The following SORCS3 variants were observed in gnomAD, a reference collection of about 807,000 sequenced individuals.
The protein encoded by SORCS3 is sortilin related VPS10 domain containing receptor 3.
In SORCS3, 57 loss-of-function variants were observed where a neutral mutation model predicts 146.3. That is an observed-to-expected ratio of 0.39 (90% confidence interval 0.31 to 0.49). The LOEUF is 0.49. Ranked by LOEUF, SORCS3 falls within the 20% of genes least tolerant of loss-of-function variation. SORCS3 has a pLI of 0.92. For missense variants in SORCS3, 1,341 were observed against 1,575.5 expected (o/e 0.85, Z 2.52); for synonymous variants, 653 against 618.5 (o/e 1.06, Z -0.83).
At chr10:105,259,987 T>C (rs1387488956) in intron 25 of SORCS3, among the ~76,000 whole-genome samples, 1 of 152,198 alleles carries the variant, frequency 6.6e-6, no homozygotes, top group Non-Finnish European at 1.5e-5. Flanking sequence ...TTCAGACTTA[T>C]ATTCTCAACA....
At chr10:104,702,728 C>T (rs1323046001) in intron 1 of SORCS3, among the ~76,000 whole-genome samples, 1 of 152,196 alleles carries the variant, frequency 6.6e-6, no homozygotes, top group Non-Finnish European at 1.5e-5. Flanking sequence ...TCTTCCTGTT[C>T]TGGTGCTGGG....
At chr10:104,799,746 G>T (rs2017602687) in intron 1 of SORCS3, among the ~76,000 whole-genome samples, 1 of 151,974 alleles carries the variant, frequency 6.6e-6, no homozygotes, top group Non-Finnish European at 1.5e-5. Context: ...TGCGATCTTG[G>T]CTCACTGCAA....
intron 2 of SORCS3, among the ~76,000 whole-genome samples, chr10:104,912,650 TAAAGAC>T (rs2133597808): frequency 6.6e-6 from 1 of 152,308 alleles, no homozygotes; most frequent in South Asian, 2.1e-4. Context: ...TTCTTACAAA[TAAAGAC>T]AAATTAAAAC....
At chr10:105,142,273 T>C (rs1282243667) in intron 8 of SORCS3, among the ~76,000 whole-genome samples, 1 of 152,218 alleles carries the variant, frequency 6.6e-6, no homozygotes, top group Non-Finnish European at 1.5e-5. Context: ...AGCCTTGTGC[T>C]CCTGGAAAAG....
Position 105,211,138 on chromosome 10 carries a change from G to T in SORCS3, c.2263G>T (p.Asp755Tyr). 1 of 1,610,902 alleles carries T rather than the reference G, an allele frequency of 6.2e-7. No homozygotes were observed. The highest frequency in any genetic ancestry group is 1.1e-5 in the South Asian group (1 of 91,020). The change falls in exon 17 of 27, where the codon GAC becomes TAC. Residue 755 changes from aspartate (D) to tyrosine (Y), a missense_variant and splice_region_variant. Transcript: ENST00000369701. ...ATGCAATATTCATTTTCCTGACAGT[G>T]ACTATGGGTATGAGAGACATGGGGA... ...CVCANWDFEC[D>Y]YGYERHGESQ...
Position 104,778,542 on chromosome 10 carries a change from A to C in SORCS3, c.628-64250A>C, listed in dbSNP as rs552923347. 7.7e-4 allele frequency among the ~76,000 whole-genome samples: 117 copies of C among 152,316 alleles called. 1 individual carries two copies. Among genetic ancestry groups the C allele is most frequent in the African/African-American group, 2.7e-3 (112 of 41,566 alleles). On this transcript the variant is annotated intron_variant, in intron 1 of 26. Coordinates refer to ENST00000369701, the MANE Select transcript of SORCS3 (RefSeq NM_014978.3). ...CACATCCACTTCATGGTTTGCAGTG[A>C]GCATACAATGAGATAACATGCATCA...
chr10:104,837,556 T>G (rs2018085580), intron 1 of SORCS3, among the ~76,000 whole-genome samples: 1 of 152,234 alleles, frequency 6.6e-6, no homozygotes, highest in African/African-American at 2.4e-5. Context: ...GGTACTTATT[T>G]GACAAAGCTT....
At chr10:105,241,362 G>A (rs1380063499) in intron 20 of SORCS3, among the ~76,000 whole-genome samples, 1 of 152,214 alleles carries the variant, frequency 6.6e-6, no homozygotes, top group Non-Finnish European at 1.5e-5. Context: ...CTCAGGGGGA[G>A]CGCAGCAGCC....
intron 1 of SORCS3, among the ~76,000 whole-genome samples, chr10:104,832,502 GT>G (rs1433613971): frequency 6.6e-6 from 1 of 152,202 alleles, no homozygotes; most frequent in African/African-American, 2.4e-5. Flanking sequence ...CGGACTGCCT[GT>G]GGTTAAGAGT....
At chr10:105,148,996 G>A (rs1451738663) in intron 9 of SORCS3, among the ~76,000 whole-genome samples, 1 of 152,064 alleles carries the variant, frequency 6.6e-6, no homozygotes, top group East Asian at 1.9e-4. Context: ...AAGAGCTGAT[G>A]GTTTTAAAGT....
At chr10:105,256,792 T>C (rs771140031) in intron 24 of SORCS3, 27 bp from the exon 25 acceptor site, 60 of 1,583,132 alleles carry the variant, frequency 3.8e-5, no homozygotes, top group Non-Finnish European at 5.1e-5. Flanking sequence ...ATATCTGTTC[T>C]TTTCCTTATC....
intron 8 of SORCS3, among the ~76,000 whole-genome samples, chr10:105,143,019 TTCTAA>T (rs2056106087): frequency 6.6e-6 from 1 of 152,166 alleles, no homozygotes; most frequent in Admixed American, 6.5e-5. Context: ...TTATCTGTAA[TTCTAA>T]TCTCTTTTCT....
intron 1 of SORCS3, among the ~76,000 whole-genome samples, chr10:104,742,683 G>A (rs1379237942): frequency 6.6e-6 from 1 of 152,210 alleles, no homozygotes; most frequent in Non-Finnish European, 1.5e-5. Context: ...GCCCCATCCA[G>A]CAGACCTCTG....
intron 5 of SORCS3, among the ~76,000 whole-genome samples, chr10:105,072,880 G>T (rs1178708987): frequency 1.3e-5 from 2 of 152,036 alleles, no homozygotes; most frequent in Non-Finnish European, 2.9e-5. Context: ...TGGCAGGCAC[G>T]TAGTGAGTAC....
intron 5 of SORCS3, among the ~76,000 whole-genome samples, chr10:105,061,640 G>A (rs114735262): frequency 0.015 from 1,841 of 118,928 alleles, 24 homozygotes; most frequent in African/African-American, 0.045. Flanking sequence ...GTGACAGAGC[G>A]AGACCCTATC....
At chr10:104,680,455 TCTC>T (rs1430156534) in intron 1 of SORCS3, among the ~76,000 whole-genome samples, 3 of 152,130 alleles carry the variant, frequency 2.0e-5, no homozygotes, top group Non-Finnish European at 2.9e-5. Context: ...CCACCGACCT[TCTC>T]CTCTTTCCCT....
chr10:105,040,387 C>G (rs182250881), intron 4 of SORCS3, among the ~76,000 whole-genome samples: 8 of 152,222 alleles, frequency 5.3e-5, no homozygotes, highest in South Asian at 4.2e-4. Flanking sequence ...TCATCATATC[C>G]CTTCTTTTTC....
chr10:104,794,898 C>T (rs2017535788), intron 1 of SORCS3, among the ~76,000 whole-genome samples: 1 of 152,004 alleles, frequency 6.6e-6, no homozygotes, highest in Non-Finnish European at 1.5e-5. Context: ...TTCCTCTACC[C>T]TAAGAAAAGC....
In SORCS3 at chr10:105,106,069, G is replaced by A. The variant is rs966336353; in HGVS notation, c.1212+554G>A. Among the ~76,000 whole-genome samples, 20 of 152,106 alleles carry A rather than the reference G, an allele frequency of 1.3e-4. No individual in the cohort carries two copies. In the East Asian group the frequency reaches 2.5e-3, roughly 19 times the overall value. ...CAGGGAAGCCTTCTTTTACATTTTC[G>A]GTCTTCTTATCTCTATTGTGTACTA... On this transcript the variant is annotated intron_variant, in intron 7 of 26. Coordinates refer to ENST00000369701, the MANE Select transcript of SORCS3 (RefSeq NM_014978.3).
Sources: allele counts gnomAD v4.1 joint callset (sites outside exome capture counted in the v4.1 genomes callset), GRCh38; gene constraint gnomAD v4.1.1; transcripts MANE v1.5; gene names NCBI Gene and HGNC (gene_info 2026-07-23, HGNC 2026-07-21).